RALGPS1: variants seen among roughly 807,000 people sequenced by gnomAD.
RALGPS1 encodes ras-specific guanine nucleotide-releasing factor RalGPS1.
Under a neutral mutation model 78.8 loss-of-function variants are expected in RALGPS1, and 19 were observed. That is an observed-to-expected ratio of 0.24 (90% CI 0.17 to 0.35). RALGPS1 has a LOEUF of 0.35. RALGPS1 is among the 10% of genes least tolerant of loss of function. The pLI, the probability that RALGPS1 is intolerant of heterozygous loss-of-function variation, is 1.00. For missense variants in RALGPS1, 454 were observed against 688.3 expected (o/e 0.66, Z 3.81); for synonymous variants, 228 against 256.3 (o/e 0.89, Z 1.06).
intron 5 of RALGPS1, among the ~76,000 whole-genome samples, chr9:127,042,145 G>A (rs17368261): frequency 0.024 from 3,590 of 151,994 alleles, 47 homozygotes; most frequent in Middle Eastern, 0.048. Context: ...TTTTTTCATG[G>A]TTGGTTAACT....
intron 1 of RALGPS1, among the ~76,000 whole-genome samples, chr9:126,955,033 T>C (rs1218747256): frequency 6.6e-6 from 1 of 152,224 alleles, no homozygotes; most frequent in African/African-American, 2.4e-5. Flanking sequence ...AGAATACTCA[T>C]ATTCCCACTG....
At chr9:127,048,407 T>C (rs560665912) in intron 5 of RALGPS1, among the ~76,000 whole-genome samples, 7 of 152,368 alleles carry the variant, frequency 4.6e-5, no homozygotes, top group African/African-American at 9.6e-5. Flanking sequence ...ACTTCTTCCA[T>C]GGCCACTATT....
At chr9:127,153,354 T>G (rs1184482696) in intron 8 of RALGPS1, among the ~76,000 whole-genome samples, 1 of 149,436 alleles carries the variant, frequency 6.7e-6, no homozygotes, top group Non-Finnish European at 1.5e-5. Context: ...TTCCCCCACG[T>G]AAATGTATGC....
At chr9:127,037,176 T>C (rs956036357) in intron 5 of RALGPS1, among the ~76,000 whole-genome samples, 2 of 152,284 alleles carry the variant, frequency 1.3e-5, no homozygotes, top group Middle Eastern at 3.4e-3. Context: ...CATGTAAGCT[T>C]AAACAAAGGG....
chr9:127,081,142 T>C (rs976961024), intron 8 of RALGPS1, among the ~76,000 whole-genome samples: 1 of 152,230 alleles, frequency 6.6e-6, no homozygotes, highest in African/African-American at 2.4e-5. Context: ...AAACAGGATA[T>C]GAGTATGCCT....
chr9:127,052,925 A>G lies in RALGPS1; in HGVS notation c.469A>G (p.Thr157Ala). 6.3e-7 allele frequency: 1 copy of G among 1,598,046 alleles called. No homozygotes were observed. The highest frequency in any genetic ancestry group is 8.6e-7 in the Non-Finnish European group (1 of 1,165,478). Residue 157 changes from threonine (T) to alanine (A), a missense_variant, in exon 7 of 19, where the codon ACA (threonine) becomes GCA (alanine). Coordinates refer to ENST00000259351, the MANE Select transcript of RALGPS1 (RefSeq NM_014636.3). ...ALQSAPIFRL[T>A]KTWALLNRKD... Reference sequence around the variant, plus strand: ...ACAAAGTGCTCCCATCTTCAGGCTGACAAAAACCTGGGCTGTAAGTTAATC... The same window carrying G: ...ACAAAGTGCTCCCATCTTCAGGCTGGCAAAAACCTGGGCTGTAAGTTAATC...
intron 8 of RALGPS1, among the ~76,000 whole-genome samples, chr9:127,082,858 A>G (rs1011315921): frequency 6.6e-6 from 1 of 152,028 alleles, no homozygotes; most frequent in African/African-American, 2.4e-5. Flanking sequence ...AGCTAAGAAG[A>G]CCCTATCAGT....
Position 127,091,445 on chromosome 9 carries a change from AT to A in RALGPS1, c.610+22099del, listed in dbSNP as rs573888290. Among the ~76,000 whole-genome samples the A allele has an allele frequency of 0.024, 3,584 of 148,112 alleles. 49 individuals are homozygous for A. Among genetic ancestry groups the A allele is most frequent in the Middle Eastern group, 0.051 (15 of 292 alleles). Reference sequence around the variant, plus strand: ...ACCTCTTTATGTCTCGCCCCATCCCATTTTTTTTTTCTTAATTTGTAAATGC... The same window carrying A: ...ACCTCTTTATGTCTCGCCCCATCCCATTTTTTTTTCTTAATTTGTAAATGC... On this transcript the variant is annotated intron_variant, in intron 8 of 18. Coordinates refer to ENST00000259351, the MANE Select transcript of RALGPS1 (RefSeq NM_014636.3). The surrounding 1 kb of genome is among the most constrained non-coding windows in gnomAD (Gnocchi z 4.3).
At chr9:127,217,013 C>A in intron 18 of RALGPS1, 1 of 1,518,142 alleles carries the variant, frequency 6.6e-7, no homozygotes, top group Admixed American at 2.2e-5. Flanking sequence ...GCCTGGGCAC[C>A]ATGGTGGCCC....
chr9:127,056,371 G>C (rs1164255307), intron 7 of RALGPS1, among the ~76,000 whole-genome samples: 2 of 152,340 alleles, frequency 1.3e-5, no homozygotes, highest in East Asian at 3.9e-4. Context: ...GTCAGGGAGA[G>C]AGGAGGTGAT....
At chr9:127,054,508 G>T (rs1264108042) in intron 7 of RALGPS1, among the ~76,000 whole-genome samples, 1 of 152,178 alleles carries the variant, frequency 6.6e-6, no homozygotes, top group Non-Finnish European at 1.5e-5. Flanking sequence ...TCCACTCAGT[G>T]ATAGGGCCAG....
intron 1 of RALGPS1, among the ~76,000 whole-genome samples, chr9:126,927,827 A>G (rs1388892865): frequency 1.3e-5 from 2 of 152,196 alleles, no homozygotes; most frequent in African/African-American, 4.8e-5. Context: ...AAGGCAGCTG[A>G]TCGGAACAGT....
At chr9:127,080,968 T>G (rs1172720086) in intron 8 of RALGPS1, among the ~76,000 whole-genome samples, 1 of 152,238 alleles carries the variant, frequency 6.6e-6, no homozygotes, top group East Asian at 1.9e-4. Context: ...GCTCAGCCTG[T>G]AGTGCAGTGG....
chr9:127,198,408 T>C (rs2061451882), intron 13 of RALGPS1, among the ~76,000 whole-genome samples: 1 of 152,094 alleles, frequency 6.6e-6, no homozygotes, highest in Admixed American at 6.5e-5. Context: ...AGAAAATCTC[T>C]CCTCCAAGAG....
intron 14 of RALGPS1, among the ~76,000 whole-genome samples, chr9:127,200,773 G>T (rs2061590576): frequency 6.6e-6 from 1 of 152,236 alleles, no homozygotes; most frequent in African/African-American, 2.4e-5. Context: ...TCAGTCAGGG[G>T]ACTCCTGGGG....
intron 5 of RALGPS1, among the ~76,000 whole-genome samples, chr9:127,040,536 G>A (rs2047201230): frequency 6.6e-6 from 1 of 152,188 alleles, no homozygotes; most frequent in Non-Finnish European, 1.5e-5. Flanking sequence ...GGGGGTCAAG[G>A]AGAGAGTAAG....
intron 11 of RALGPS1, among the ~76,000 whole-genome samples, chr9:127,188,328 G>A (rs1018032775): frequency 7.2e-5 from 11 of 152,084 alleles, no homozygotes; most frequent in Non-Finnish European, 1.6e-4. Flanking sequence ...AGAAGCTGAT[G>A]ACCACATGGA....
rs2061287467 is a variant in RALGPS1, at chr9:127,195,165, C to T, written c.985C>T (p.Leu329Phe). The T allele has an allele frequency of 6.2e-7, 1 of 1,612,936 alleles. No individual in the cohort carries two copies. Among genetic ancestry groups the T allele is most frequent in the South Asian group, 1.1e-5 (1 of 91,084 alleles). ...TCCTGACACATCTGTTGCTGGCAGCCTCCCCACACCTCCAGTCCCCAGACA... is the reference window on the plus strand; with the variant it reads ...TCCTGACACATCTGTTGCTGGCAGCTTCCCCACACCTCCAGTCCCCAGACA... ...TCPDTSVAGS[L>F]PTPPVPRHRK... Residue 329 changes from leucine to phenylalanine, a missense_variant, in exon 12 of 19, where the codon CTC becomes TTC. Transcript: ENST00000259351.
chr9:126,979,792 C>T (rs570511633), intron 4 of RALGPS1, among the ~76,000 whole-genome samples: 30 of 152,284 alleles, frequency 2.0e-4, no homozygotes, highest in Non-Finnish European at 4.0e-4. Context: ...GTTTTCAAGA[C>T]TGTAGTTTGT....
Sources: gnomAD v4.1 joint callset for allele counts (sites outside exome capture counted in the v4.1 genomes callset) on GRCh38, gnomAD v4.1.1 for gene constraint, Gnocchi (gnomAD v3.1) non-coding constraint, MANE v1.5 for transcripts, NCBI Gene and HGNC (gene_info 2026-07-23, HGNC 2026-07-21) for gene names.